The following SYTL3 variants were observed in gnomAD, a reference collection of about 807,000 sequenced individuals.
SYTL3 encodes synaptotagmin-like protein 3.
SYTL3 carries 88 observed loss-of-function variants against 82.1 expected under a neutral mutation model. That is an observed-to-expected ratio of 1.07 (90% confidence interval 0.90 to 1.28). The LOEUF (loss-of-function observed/expected upper bound fraction) is 1.28, where lower values mean the gene tolerates loss of function less well. Among genes scored for constraint, SYTL3 ranks in the 50% most tolerant of loss-of-function variants. The pLI is 0.00. For missense variants in SYTL3, 831 were observed against 757.6 expected (o/e 1.10, Z -1.14); for synonymous variants, 311 against 289.4 (o/e 1.07, Z -0.76).
At chr6:158,710,155 G>C (rs1354911816) in intron 8 of SYTL3, among the ~76,000 whole-genome samples, 3 of 152,166 alleles carry the variant, frequency 2.0e-5, no homozygotes, top group Non-Finnish European at 4.4e-5. Context: ...ACTAATGACA[G>C]TCACATGGGT....
chr6:158,679,787 A>G (rs1183528767), intron 5 of SYTL3, among the ~76,000 whole-genome samples: 2 of 152,170 alleles, frequency 1.3e-5, no homozygotes, highest in African/African-American at 2.4e-5. Flanking sequence ...AGTCCTTTCA[A>G]TGATTTGCAA....
At chr6:158,723,164 G>T (rs1049491158) in intron 10 of SYTL3, among the ~76,000 whole-genome samples, 29 of 135,034 alleles carry the variant, frequency 2.1e-4, no homozygotes, top group Non-Finnish European at 1.5e-5. Flanking sequence ...TCATGATCTC[G>T]ACTCACTGCA....
intron 8 of SYTL3, among the ~76,000 whole-genome samples, chr6:158,713,011 C>T (rs530649506): frequency 2.3e-4 from 35 of 152,224 alleles, no homozygotes; most frequent in Non-Finnish European, 5.0e-4. Flanking sequence ...CCGCCCGCCT[C>T]GGGCTCCCAA....
intron 8 of SYTL3, among the ~76,000 whole-genome samples, chr6:158,713,085 G>A (rs1280284583): frequency 2.6e-5 from 4 of 152,124 alleles, no homozygotes; most frequent in African/African-American, 9.7e-5. Flanking sequence ...AACTGAGACT[G>A]GGGTGACCTT....
At chr6:158,724,028 C>G (rs1408608578) in intron 10 of SYTL3, among the ~76,000 whole-genome samples, 1 of 152,218 alleles carries the variant, frequency 6.6e-6, no homozygotes, top group African/African-American at 2.4e-5. Flanking sequence ...AGCATCCTCT[C>G]GGGTGATTGC....
intron 17 of SYTL3, 44 bp from the exon 18 acceptor site, chr6:158,764,448 AGTG>A: frequency 7.3e-7 from 1 of 1,377,188 alleles, no homozygotes; most frequent in Non-Finnish European, 1.0e-6. Context: ...GAGGGGATGA[AGTG>A]GTGCCCTCCC....
At chr6:158,702,664 C>T (rs916231718) in intron 6 of SYTL3, among the ~76,000 whole-genome samples, 4 of 152,050 alleles carry the variant, frequency 2.6e-5, no homozygotes, top group Non-Finnish European at 5.9e-5. Flanking sequence ...GAGCGGTGAC[C>T]CCGTGTCTGT....
At chr6:158,666,345 C>T (rs571291098) in intron 5 of SYTL3, among the ~76,000 whole-genome samples, 4 of 152,288 alleles carry the variant, frequency 2.6e-5, no homozygotes, top group Admixed American at 6.5e-5. Flanking sequence ...ACTGAATCTA[C>T]GTTTATAGTT....
chr6:158,718,685 C>T (rs1649820427), intron 10 of SYTL3, among the ~76,000 whole-genome samples: 1 of 152,270 alleles, frequency 6.6e-6, no homozygotes, highest in Non-Finnish European at 1.5e-5. Context: ...CAAGTGAGAG[C>T]TCCCTTAGTA....
At position 158,757,377 on chromosome 6, in the gene SYTL3, C is replaced by G; in HGVS notation, c.1304C>G (p.Ala435Gly). The G allele has an allele frequency of 6.2e-7, 1 of 1,613,786 alleles. No individual in the cohort carries two copies. The highest frequency in any genetic ancestry group is 8.5e-7 in the Non-Finnish European group (1 of 1,179,856). ...TCCTTCCGCTGGCATCCGCTCCGGGCCAAGGTGATGTCTGGTTTTGGACTG... is the reference window on the plus strand; with the variant it reads ...TCCTTCCGCTGGCATCCGCTCCGGGGCAAGGTGATGTCTGGTTTTGGACTG... ...TQSFRWHPLR[A>G]KAEKYEDSVP... The change falls in exon 14 of 18, where the codon GCC (alanine) becomes GGC (glycine). Residue 435 changes from alanine (A) to glycine (G), a missense_variant. Physicochemically the swap from Ala to Gly is moderately conservative, Grantham distance 60. Transcript: ENST00000611299.
chr6:158,749,401 A>G (rs1198131696), intron 12 of SYTL3, among the ~76,000 whole-genome samples: 1 of 148,464 alleles, frequency 6.7e-6, no homozygotes, highest in Non-Finnish European at 1.5e-5. Context: ...AAAAAAAAAA[A>G]AAAAAAAAAG....
At chr6:158,662,030 A>C (rs1789436712) in intron 3 of SYTL3, among the ~76,000 whole-genome samples, 4 of 152,242 alleles carry the variant, frequency 2.6e-5, no homozygotes, top group South Asian at 4.1e-4. Context: ...GAAAAAGGTT[A>C]AGAACCTTTG....
intron 8 of SYTL3, among the ~76,000 whole-genome samples, chr6:158,713,310 T>C (rs1782967340): frequency 6.6e-6 from 1 of 152,180 alleles, no homozygotes; most frequent in African/African-American, 2.4e-5. Flanking sequence ...TATCTTTTTT[T>C]TCTTCTGCTT....
chr6:158,651,200 T>TA (rs1374946069), intron 1 of SYTL3, among the ~76,000 whole-genome samples: 2 of 152,200 alleles, frequency 1.3e-5, no homozygotes, highest in Non-Finnish European at 2.9e-5. Context: ...GCAAAGTACT[T>TA]AAACTATCTG....
chr6:158,715,601 A>ACACACACACACACACACACACACACACC (rs1483981663), intron 9 of SYTL3, among the ~76,000 whole-genome samples: 1 of 140,316 alleles, frequency 7.1e-6, no homozygotes, highest in African/African-American at 2.7e-5. Context: ...AAACCGCATC[A>ACACACACACACACACACACACACACACC]CACACACACA....
chr6:158,672,542 T>C (rs558504768), intron 5 of SYTL3, among the ~76,000 whole-genome samples: 1 of 142,236 alleles, frequency 7.0e-6, no homozygotes, highest in Admixed American at 7.2e-5. Context: ...AGAAACATAC[T>C]GGTTTTTTTG....
chr6:158,707,080 G>T, intron 6 of SYTL3, 150 bp from the exon 7 acceptor site: 1 of 784,390 alleles, frequency 1.3e-6, no homozygotes, highest in Non-Finnish European at 2.0e-6. Flanking sequence ...CTCTAATTTT[G>T]GAACATTTCT....
intron 2 of SYTL3, among the ~76,000 whole-genome samples, chr6:158,655,794 C>T (rs1034961904): frequency 6.6e-6 from 1 of 152,202 alleles, no homozygotes; most frequent in Non-Finnish European, 1.5e-5. Context: ...CCCCAGAGGG[C>T]TTAAGTAACT....
At position 158,707,355 on chromosome 6, in the gene SYTL3, T is replaced by C. The variant is rs544778801; in HGVS notation, c.446+74T>C. On this transcript the variant is annotated intron_variant, in intron 7 of 17. Transcript: ENST00000611299. ...GCAGAGGACACTCTGCAAGAACTTA[T>C]AGGTCTCTTGACTTTCACATGTCAC... 1,189 of 1,357,148 alleles carry C rather than the reference T, an allele frequency of 8.8e-4. 18 individuals carry two copies. The South Asian group carries it at 0.012, about 14-fold the overall frequency. 84.1% of individuals were successfully genotyped at this position (1,357,148 alleles called of 1,614,324 possible).
Sources: gnomAD v4.1 joint callset for allele counts (sites outside exome capture counted in the v4.1 genomes callset) on GRCh38, gnomAD v4.1.1 for gene constraint, MANE v1.5 for transcripts, NCBI Gene and HGNC (gene_info 2026-07-23, HGNC 2026-07-21) for gene names.